Variants in LRP1B observed in about 807,000 individuals in gnomAD.
LRP1B encodes LDL receptor related protein 1B, also known as low-density lipoprotein receptor-related protein 1B.
A neutral mutation model predicts 556.6 loss-of-function variants in LRP1B; 217 were observed. That is an observed-to-expected ratio of 0.39 (90% CI 0.35 to 0.44). The LOEUF is 0.44. Among genes scored for constraint, LRP1B ranks in the 20% least tolerant of loss-of-function variants. The probability of loss-of-function intolerance (pLI) is 1.00; values close to 1 mark genes in which losing one functional copy is unlikely to be tolerated. For missense variants in LRP1B, 5,053 were observed against 5,620.8 expected (o/e 0.90, Z 3.23); for synonymous variants, 2,047 against 1,865.8 (o/e 1.10, Z -2.50).
At chr2:142,041,848 A>G (rs1357882105) in intron 1 of LRP1B, among the ~76,000 whole-genome samples, 36 of 151,494 alleles carry the variant, frequency 2.4e-4, no homozygotes, top group Admixed American at 2.4e-3. Flanking sequence ...ATTTCTCAGA[A>G]CTTCTCAGCA....
chr2:140,706,144 T>C (rs373369727), intron 37 of LRP1B, among the ~76,000 whole-genome samples: 1 of 152,114 alleles, frequency 6.6e-6, no homozygotes, highest in Admixed American at 6.6e-5. Context: ...TCTTTAGCAA[T>C]AGGAAGAAAT....
At chr2:140,443,775 GAAAC>G (rs547776793) in intron 65 of LRP1B, among the ~76,000 whole-genome samples, 193 of 152,200 alleles carry the variant, frequency 1.3e-3, no homozygotes, top group African/African-American at 4.4e-3. Context: ...GAGATGAAAA[GAAAC>G]AAAATATTTT....
intron 81 of LRP1B, among the ~76,000 whole-genome samples, chr2:140,323,654 AAGAC>A (rs761212948): frequency 1.8e-4 from 28 of 151,996 alleles, no homozygotes; most frequent in Non-Finnish European, 2.9e-4. Flanking sequence ...TATTGTAAGA[AAGAC>A]AGTTTTAATT....
chr2:140,510,175 T>C (rs1948051), intron 51 of LRP1B, 119 bp from the exon 52 acceptor site: 1,035,791 of 1,038,430 alleles, frequency 1, 516,630 homozygotes, highest in Non-Finnish European at 1. Context: ...AGGAGGCGAT[T>C]GTAGTTATTG....
chr2:141,967,395 A>G (rs969184165), intron 1 of LRP1B, among the ~76,000 whole-genome samples: 1 of 151,878 alleles, frequency 6.6e-6, no homozygotes, highest in Middle Eastern at 3.2e-3. Flanking sequence ...GTAATGCTTA[A>G]AAGTGTTTCA....
At chr2:141,079,375 T>G (rs1235894405) in intron 7 of LRP1B, among the ~76,000 whole-genome samples, 1 of 152,184 alleles carries the variant, frequency 6.6e-6, no homozygotes, top group Non-Finnish European at 1.5e-5. Flanking sequence ...TAGGCAGAGC[T>G]CTAATGTGCT....
chr2:140,541,784 T>C lies in LRP1B; in HGVS notation c.7382A>G (p.Asn2461Ser). Reference protein sequence around the residue: ...MGIIAVANDTNSCELSPCALL... With the variant: ...MGIIAVANDTSSCELSPCALL... ...TGCTTTCTATTATAACTTACAGCTA[T>C]TGGTGTCATTGGCAACAGCTATGAT... Residue 2461 changes from asparagine to serine, a missense_variant, in exon 44 of 91, where the codon AAT becomes AGT. Physicochemically the swap from Asn to Ser is conservative, Grantham distance 46. This residue lies in a region of LRP1B where 3,619 missense variants were observed against 3,931.9 expected (regional missense o/e 0.92). Transcript: ENST00000389484. 2 of 1,610,010 alleles carry C rather than the reference T, an allele frequency of 1.2e-6. No homozygotes were observed. The highest frequency in any genetic ancestry group is 1.7e-6 in the Non-Finnish European group (2 of 1,177,236).
At chr2:141,307,158 G>A (rs921171781) in intron 3 of LRP1B, among the ~76,000 whole-genome samples, 1 of 150,680 alleles carries the variant, frequency 6.6e-6, no homozygotes, top group Non-Finnish European at 1.5e-5. Context: ...TTTTTTTTCT[G>A]TTGGTTAATT....
At chr2:140,429,565 ATC>A (rs1685825668) in intron 66 of LRP1B, among the ~76,000 whole-genome samples, 1 of 152,132 alleles carries the variant, frequency 6.6e-6, no homozygotes, top group East Asian at 1.9e-4. Context: ...TCTGTTACCT[ATC>A]TCGGCATAAT....
chr2:140,490,058 T>G (rs2105370045), intron 57 of LRP1B, among the ~76,000 whole-genome samples: 2 of 152,182 alleles, frequency 1.3e-5, no homozygotes, highest in South Asian at 4.1e-4. Flanking sequence ...AGGGGCATGG[T>G]CAAAATAATG....
intron 3 of LRP1B, among the ~76,000 whole-genome samples, chr2:141,292,998 G>C (rs1347831002): frequency 6.6e-6 from 1 of 151,904 alleles, no homozygotes; most frequent in Non-Finnish European, 1.5e-5. Flanking sequence ...GGAATATATG[G>C]ATATTCTACG....
intron 10 of LRP1B, among the ~76,000 whole-genome samples, chr2:141,053,704 G>T: frequency 6.6e-6 from 1 of 151,944 alleles, no homozygotes; most frequent in African/African-American, 2.4e-5. Flanking sequence ...AGTTGTTTCT[G>T]ATGACTTTCA....
chr2:140,624,352 G>A (rs185635331), intron 41 of LRP1B, among the ~76,000 whole-genome samples: 29 of 152,126 alleles, frequency 1.9e-4, no homozygotes, highest in South Asian at 1.5e-3. Flanking sequence ...TATCAAGAAC[G>A]TTGGCATCGA....
At chr2:140,793,583 A>G (rs1436000084) in intron 32 of LRP1B, among the ~76,000 whole-genome samples, 2 of 152,046 alleles carry the variant, frequency 1.3e-5, no homozygotes, top group South Asian at 2.1e-4. Flanking sequence ...GAAAAAGGTT[A>G]AAGTATGAAT....
intron 7 of LRP1B, among the ~76,000 whole-genome samples, chr2:141,175,760 T>C (rs1243195385): frequency 6.6e-6 from 1 of 151,970 alleles, no homozygotes; most frequent in Admixed American, 6.6e-5. Flanking sequence ...GACGCCAGAA[T>C]GGAAGATCTA....
chr2:140,489,909 G>A (rs1021767577), intron 57 of LRP1B, among the ~76,000 whole-genome samples: 2 of 152,014 alleles, frequency 1.3e-5, no homozygotes, highest in African/African-American at 4.8e-5. Flanking sequence ...ATAAATTAAA[G>A]CTGCAAATGC....
At chr2:141,074,762 T>C (rs1015297386) in intron 7 of LRP1B, among the ~76,000 whole-genome samples, 57 of 151,768 alleles carry the variant, frequency 3.8e-4, no homozygotes, top group African/African-American at 1.3e-3. Flanking sequence ...GATAAGGCCA[T>C]TCTGGCATAG....
intron 35 of LRP1B, among the ~76,000 whole-genome samples, chr2:140,740,967 T>C (rs976859716): frequency 1.3e-5 from 2 of 152,178 alleles, no homozygotes; most frequent in African/African-American, 4.8e-5. Flanking sequence ...CAAATGAATT[T>C]TGAGGGACAC....
intron 3 of LRP1B, among the ~76,000 whole-genome samples, chr2:141,302,039 A>C (rs1686414837): frequency 6.6e-6 from 1 of 152,164 alleles, no homozygotes; most frequent in Admixed American, 6.5e-5. Context: ...ACATATATAC[A>C]ATAAAAACAA....
Sources: allele counts gnomAD v4.1 joint callset (sites outside exome capture counted in the v4.1 genomes callset), GRCh38; gene constraint gnomAD v4.1.1; regional missense constraint gnomAD v4.1.1; transcripts MANE v1.5; gene names NCBI Gene and HGNC (gene_info 2026-07-23, HGNC 2026-07-21).